Variants in RIMS3 observed in about 807,000 individuals in gnomAD.
The protein encoded by RIMS3 is regulating synaptic membrane exocytosis protein 3.
RIMS3 carries 15 observed loss-of-function variants against 29.2 expected under a neutral mutation model. The observed-to-expected ratio is 0.51, with a 90% CI of 0.34 to 0.79. The LOEUF is 0.79. Among genes scored for constraint, RIMS3 ranks in the 30% least tolerant of loss-of-function variants. The pLI, the probability that RIMS3 is intolerant of heterozygous loss-of-function variation, is 0.01. For missense variants in RIMS3, 342 were observed against 421.4 expected (o/e 0.81, Z 1.65); for synonymous variants, 161 against 170.1 (o/e 0.95, Z 0.41).
chr1:40,639,177 C>A (rs1405926198), intron 3 of RIMS3, among the ~76,000 whole-genome samples: 1 of 152,194 alleles, frequency 6.6e-6, no homozygotes, highest in African/African-American at 2.4e-5. Flanking sequence ...AGAGGAATTC[C>A]TCCCCACTTC....
upstream of RIMS3, among the ~76,000 whole-genome samples, chr1:40,666,584 A>G (rs530283722): frequency 6.6e-6 from 1 of 152,294 alleles, no homozygotes; most frequent in African/African-American, 2.4e-5. Flanking sequence ...GCCTGCCCCA[A>G]CTTGTATATT....
chr1:40,675,933 A>C, the RIMS3 span, among the ~76,000 whole-genome samples: 1 of 152,072 alleles, frequency 6.6e-6, no homozygotes, highest in South Asian at 2.1e-4. Flanking sequence ...GTCAAAAAAA[A>C]AAAGTCATAG....
At chr1:40,666,416 G>A (rs1642426728), upstream of RIMS3, among the ~76,000 whole-genome samples, 1 of 152,226 alleles carries the variant, frequency 6.6e-6, no homozygotes, top group African/African-American at 2.4e-5. Context: ...CCCTGCGCCA[G>A]AGAATTGTCA....
At chr1:40,658,937 G>A (rs1310560445) in intron 1 of RIMS3, among the ~76,000 whole-genome samples, 1 of 152,202 alleles carries the variant, frequency 6.6e-6, no homozygotes, top group East Asian at 1.9e-4. Flanking sequence ...GAGAAGCTGG[G>A]AGCCGGAGGT....
chr1:40,636,351 G>A lies in RIMS3; in HGVS notation c.218-294C>T, dbSNP rs1008458373. The stretch of plus-strand genomic sequence containing the variant: ...CCGCAGATCCGCAGCTGGGGCCCTC[G>A]CCTCACCCTCATCAGGCTCCCCTGA... On this transcript the variant is annotated intron_variant, in intron 3 of 7. Transcript: ENST00000372684. This position sits in a 1 kb window ranked among gnomAD's most constrained non-coding sequence, Gnocchi z 4.2. Among the ~76,000 whole-genome samples, 7 of 152,120 alleles carry A rather than the reference G, an allele frequency of 4.6e-5. No individual in the cohort carries two copies. Among genetic ancestry groups the A allele is most frequent in the Non-Finnish European group, 1.0e-4 (7 of 68,022 alleles).
At chr1:40,659,154 T>C (rs1642314554) in intron 1 of RIMS3, among the ~76,000 whole-genome samples, 1 of 151,768 alleles carries the variant, frequency 6.6e-6, no homozygotes, top group Admixed American at 6.6e-5. Context: ...TTAAGGACAT[T>C]CTCCATGGAG....
At chr1:40,689,053 T>C in the RIMS3 span, among the ~76,000 whole-genome samples, 1 of 152,046 alleles carries the variant, frequency 6.6e-6, no homozygotes, top group Non-Finnish European at 1.5e-5. Flanking sequence ...CATGTTATGC[T>C]GCAGTAACAA....
the RIMS3 span, among the ~76,000 whole-genome samples, chr1:40,686,326 C>A: frequency 6.6e-6 from 1 of 152,072 alleles, no homozygotes; most frequent in Non-Finnish European, 1.5e-5. Context: ...AGACTACCAT[C>A]CTCCCAGGTG....
At chr1:40,657,194 C>T (rs1412731664) in intron 1 of RIMS3, among the ~76,000 whole-genome samples, 1 of 152,076 alleles carries the variant, frequency 6.6e-6, no homozygotes, top group Admixed American at 6.6e-5. Context: ...GCTAGCTACA[C>T]AGGGGAGATC....
At position 40,626,745 on chromosome 1, in the gene RIMS3, G is replaced by T; in HGVS notation, c.715-16C>A. Reference sequence around the variant, plus strand: ...AGACGATCACCTGCCAGGAGGAAGAGAGGGAGGGAGTGAGCCACCTCCCTG... The same window carrying T: ...AGACGATCACCTGCCAGGAGGAAGATAGGGAGGGAGTGAGCCACCTCCCTG... On this transcript the variant is annotated splice_polypyrimidine_tract_variant and intron_variant, in intron 7 of 7. Transcript: ENST00000372684. 1 of 1,613,040 alleles carries T rather than the reference G, an allele frequency of 6.2e-7. No homozygotes were observed. The highest frequency in any genetic ancestry group is 8.5e-7 in the Non-Finnish European group (1 of 1,179,208).
intron 2 of RIMS3, among the ~76,000 whole-genome samples, chr1:40,646,244 G>A (rs1323545169): frequency 6.6e-6 from 1 of 152,130 alleles, no homozygotes; most frequent in Non-Finnish European, 1.5e-5. Flanking sequence ...AGCAGGTCTA[G>A]CTCAGGAAAG....
chr1:40,678,036 T>A, the RIMS3 span, among the ~76,000 whole-genome samples: 28 of 152,200 alleles, frequency 1.8e-4, no homozygotes, highest in African/African-American at 6.8e-4. Context: ...TGTTTTCTTG[T>A]TTTTCTTATG....
At chr1:40,680,045 T>C in the RIMS3 span, among the ~76,000 whole-genome samples, 1 of 151,990 alleles carries the variant, frequency 6.6e-6, no homozygotes, top group African/African-American at 2.4e-5. Flanking sequence ...CTGTAATCCC[T>C]GCACTTTGGA....
In RIMS3 at chr1:40,633,066, C is replaced by T. The variant is rs1213085595; in HGVS notation, c.472+3G>A. On this transcript the variant is annotated splice_donor_region_variant and intron_variant, in intron 5 of 7. Transcript: ENST00000372684. The stretch of plus-strand genomic sequence containing the variant: ...CACTCAACCTGCCCTTAATAAGACT[C>T]ACCCATGGGTGGTGTTGCCAGTGTC... 2 of 1,613,322 alleles carry T rather than the reference C, an allele frequency of 1.2e-6. No individual in the cohort carries two copies. The highest frequency in any genetic ancestry group is 2.2e-5 in the South Asian group (2 of 91,072).
the RIMS3 span, among the ~76,000 whole-genome samples, chr1:40,673,136 C>T: frequency 6.6e-6 from 1 of 151,536 alleles, no homozygotes; most frequent in Non-Finnish European, 1.5e-5. Flanking sequence ...GCCAAGAATG[C>T]ACCACTGCAC....
chr1:40,676,234 T>C, the RIMS3 span, among the ~76,000 whole-genome samples: 1 of 152,346 alleles, frequency 6.6e-6, no homozygotes, highest in East Asian at 1.9e-4. Context: ...GGCAAGTCCC[T>C]GCCCCTCTCT....
the RIMS3 span, chr1:40,673,352 CA>C: frequency 6.6e-6 from 1 of 152,170 alleles, no homozygotes; most frequent in African/African-American, 2.4e-5. Context: ...AACAAAGGCC[CA>C]GGCAATAGCA....
intron 5 of RIMS3, among the ~76,000 whole-genome samples, chr1:40,630,750 T>C (rs1196173783): frequency 1.3e-5 from 2 of 152,184 alleles, no homozygotes; most frequent in African/African-American, 4.8e-5. Flanking sequence ...GCATTAGCCT[T>C]GTGGAAGTGG....
At chr1:40,649,878 T>G (rs1646619456) in intron 1 of RIMS3, among the ~76,000 whole-genome samples, 1 of 152,066 alleles carries the variant, frequency 6.6e-6, no homozygotes, top group African/African-American at 2.4e-5. Context: ...GAGGGTATGG[T>G]AAGGGATGGG....
Sources: gnomAD v4.1 joint callset for allele counts (sites outside exome capture counted in the v4.1 genomes callset) on GRCh38, gnomAD v4.1.1 for gene constraint, Gnocchi (gnomAD v3.1) non-coding constraint, MANE v1.5 for transcripts, NCBI Gene and HGNC (gene_info 2026-07-23, HGNC 2026-07-21) for gene names.